Variants in BCAS1 observed in about 807,000 individuals in gnomAD.
The protein encoded by BCAS1 is brain enriched myelin associated protein 1, also known as breast carcinoma-amplified sequence 1.
In BCAS1, 46 loss-of-function variants were observed where a neutral mutation model predicts 65.4. The observed-to-expected ratio is 0.70, with a 90% CI of 0.55 to 0.90. The LOEUF is 0.90. Ranked by LOEUF, BCAS1 falls within the 40% of genes least tolerant of loss-of-function variation. BCAS1 has a pLI of 0.00. For synonymous variants in BCAS1, 298 were observed against 293.5 expected, an observed-to-expected ratio of 1.02 and a Z score of -0.16; for missense variants, 793 against 771.2, an observed-to-expected ratio of 1.03 and a Z score of -0.33.
chr20:54,025,716 T>C (rs2146075909), intron 4 of BCAS1, among the ~76,000 whole-genome samples: 1 of 152,196 alleles, frequency 6.6e-6, no homozygotes, highest in Middle Eastern at 3.4e-3. Context: ...CCCTAAGAAT[T>C]CTGAATCAAT....
In BCAS1 at chr20:53,953,699, C is replaced by T. The variant is rs777147533; in HGVS notation, c.1552-4G>A. The T allele has an allele frequency of 6.2e-6, 10 of 1,605,598 alleles. No individual in the cohort carries two copies. In the Admixed American group the frequency reaches 1.7e-4, roughly 27 times the overall value. On this transcript the variant is annotated splice_polypyrimidine_tract_variant and splice_region_variant and intron_variant, in intron 11 of 12. Coordinates refer to ENST00000688948, the MANE Select transcript of BCAS1 (RefSeq NM_001366298.2). ...TCTTTTCTGTGGAGTCTGATGTCTACAGCAATTTCAAACAAAGTACATTTT... is the reference window on the plus strand; with the variant it reads ...TCTTTTCTGTGGAGTCTGATGTCTATAGCAATTTCAAACAAAGTACATTTT...
chr20:53,995,894 G>C lies in BCAS1; in HGVS notation c.880C>G (p.Leu294Val). Reference protein sequence around the residue: ...NNSIMSFFKTLVSPNKAETKK... With the variant: ...NNSIMSFFKTVVSPNKAETKK... ...GAAAAGAGGAGAAAACTGCTTACCA[G>C]AGTTTTAAAGAAACTCATGATGGAA... Residue 294 changes from leucine to valine, a missense_variant and splice_region_variant, in exon 5 of 13, where the codon CTG becomes GTG. Physicochemically the swap from Leu to Val is conservative, Grantham distance 32 (BLOSUM62 1). Transcript: ENST00000688948. The C allele has an allele frequency of 6.3e-7, 1 of 1,597,192 alleles. No individual in the cohort carries two copies. The highest frequency in any genetic ancestry group is 1.8e-5 in the Admixed American group (1 of 56,764).
At chr20:53,956,584 G>A (rs1413527286) in intron 11 of BCAS1, among the ~76,000 whole-genome samples, 1 of 151,926 alleles carries the variant, frequency 6.6e-6, no homozygotes, top group East Asian at 1.9e-4. Context: ...CCATAAGGAA[G>A]TACTTTTCAT....
intron 4 of BCAS1, among the ~76,000 whole-genome samples, chr20:54,000,226 G>A (rs775287414): frequency 2.6e-4 from 40 of 152,184 alleles, no homozygotes; most frequent in Non-Finnish European, 4.3e-4. Context: ...CACGAGTAGC[G>A]GGTTAGTGAT....
chr20:54,011,186 C>T (rs979792477), intron 4 of BCAS1, among the ~76,000 whole-genome samples: 3 of 151,326 alleles, frequency 2.0e-5, no homozygotes, highest in Non-Finnish European at 1.5e-5. Flanking sequence ...CATAAAAGAC[C>T]AAAGACCAAA....
At chr20:54,068,226 T>C (rs910391135) in intron 1 of BCAS1, among the ~76,000 whole-genome samples, 4 of 152,212 alleles carry the variant, frequency 2.6e-5, no homozygotes, top group Non-Finnish European at 5.9e-5. Context: ...TGCTTGGTGA[T>C]TGATGTTTTG....
At chr20:54,039,432 G>A (rs907037006) in intron 3 of BCAS1, among the ~76,000 whole-genome samples, 1 of 151,332 alleles carries the variant, frequency 6.6e-6, no homozygotes, top group African/African-American at 2.4e-5. Context: ...GATTCCAAAG[G>A]AATGTAGGCA....
intron 8 of BCAS1, among the ~76,000 whole-genome samples, chr20:53,982,185 A>G (rs1411472374): frequency 6.6e-6 from 1 of 152,208 alleles, no homozygotes; most frequent in Non-Finnish European, 1.5e-5. Flanking sequence ...TGCCATACAC[A>G]AGAATTATCA....
At chr20:54,042,940 A>C (rs2092027165) in intron 3 of BCAS1, among the ~76,000 whole-genome samples, 1 of 152,216 alleles carries the variant, frequency 6.6e-6, no homozygotes, top group African/African-American at 2.4e-5. Flanking sequence ...CTGCTTGCTG[A>C]GAGTGTCATG....
At chr20:54,005,170 G>A (rs1002189509) in intron 4 of BCAS1, among the ~76,000 whole-genome samples, 1 of 119,908 alleles carries the variant, frequency 8.3e-6, no homozygotes, top group African/African-American at 2.6e-5. Flanking sequence ...AAAAAGACAA[G>A]TGAGGCTAAG....
At chr20:54,053,301 T>C (rs998493357) in intron 3 of BCAS1, among the ~76,000 whole-genome samples, 2 of 152,250 alleles carry the variant, frequency 1.3e-5, no homozygotes, top group Non-Finnish European at 2.9e-5. Flanking sequence ...TTGTATTACT[T>C]AATGTTTGTT....
intron 2 of BCAS1, 66 bp from the exon 3 acceptor site, chr20:54,058,220 A>C (rs2092326536): frequency 7.2e-7 from 1 of 1,388,896 alleles, no homozygotes; most frequent in Middle Eastern, 1.8e-4. Flanking sequence ...CTCAAGGAAG[A>C]ACCTCTAAGA....
intron 4 of BCAS1, among the ~76,000 whole-genome samples, chr20:54,004,323 T>C (rs75733483): frequency 7.9e-5 from 12 of 152,320 alleles, no homozygotes; most frequent in East Asian, 1.9e-4. Flanking sequence ...TTCAGACTTA[T>C]AGCCTCCAAA....
At chr20:54,055,728 T>C (rs1343046574) in intron 3 of BCAS1, among the ~76,000 whole-genome samples, 3 of 151,810 alleles carry the variant, frequency 2.0e-5, no homozygotes, top group Admixed American at 2.0e-4. Flanking sequence ...TTATTCACAA[T>C]AGCCAAGATA....
rs903125084 is a variant in BCAS1, at chr20:53,996,477, A to G, written c.724-427T>C. ...TATATCAACTAAAAAAAAAAAAAAA[A>G]AAAAAGAAAAAGAAAAAGAAAAAGT... On this transcript the variant is annotated intron_variant, in intron 4 of 12. Transcript: ENST00000688948. Among the ~76,000 whole-genome samples the G allele has an allele frequency of 2.0e-4, 29 of 145,366 alleles. No homozygotes were observed. The East Asian group carries it at 3.1e-3, about 16-fold the overall frequency.
intron 3 of BCAS1, among the ~76,000 whole-genome samples, chr20:54,049,608 G>A (rs1301996227): frequency 6.7e-6 from 1 of 149,392 alleles, no homozygotes; most frequent in African/African-American, 2.5e-5. Flanking sequence ...GGGTCTCTAT[G>A]TTGCCCAGGC....
chr20:53,951,179 C>T (rs1021103416), intron 12 of BCAS1, among the ~76,000 whole-genome samples: 2 of 152,086 alleles, frequency 1.3e-5, no homozygotes, highest in Admixed American at 6.6e-5. Context: ...GGGTTAAAAA[C>T]GTGTAAACTA....
chr20:54,038,932 TCTGGCAA>T (rs1294650443), intron 3 of BCAS1, among the ~76,000 whole-genome samples: 2 of 151,326 alleles, frequency 1.3e-5, no homozygotes, highest in Non-Finnish European at 3.0e-5. Flanking sequence ...TGGACAAGGA[TCTGGCAA>T]AGTTAACACA....
intron 8 of BCAS1, among the ~76,000 whole-genome samples, chr20:53,983,146 A>G (rs550069514): frequency 6.6e-6 from 1 of 152,362 alleles, no homozygotes; most frequent in South Asian, 2.1e-4. Flanking sequence ...GAACCACTGT[A>G]TCTCTTGTAG....
Sources: allele counts gnomAD v4.1 joint callset (sites outside exome capture counted in the v4.1 genomes callset), GRCh38; gene constraint gnomAD v4.1.1; transcripts MANE v1.5; gene names NCBI Gene and HGNC (gene_info 2026-07-23, HGNC 2026-07-21).